CNTN4: variants seen among roughly 807,000 people sequenced by gnomAD.
CNTN4 encodes the protein contactin-4.
In CNTN4, 77 loss-of-function variants were observed where a neutral mutation model predicts 122.5. The observed-to-expected ratio is 0.63, with a 90% CI of 0.52 to 0.76. The LOEUF (loss-of-function observed/expected upper bound fraction) is 0.76, where lower values mean the gene tolerates loss of function less well. Ranked by LOEUF, CNTN4 falls within the 30% of genes least tolerant of loss-of-function variation. The pLI is 0.00. For missense variants in CNTN4, 1,256 were observed against 1,259.1 expected (o/e 1.00, Z 0.04); for synonymous variants, 512 against 447.0 (o/e 1.15, Z -1.83).
chr3:2,268,162 T>G (rs935521537), intron 2 of CNTN4, among the ~76,000 whole-genome samples: 2 of 152,136 alleles, frequency 1.3e-5, no homozygotes, highest in African/African-American at 4.8e-5. Flanking sequence ...TTTGCATAGC[T>G]GTTCGATGAT....
At chr3:2,328,278 C>T (rs77001643) in intron 2 of CNTN4, among the ~76,000 whole-genome samples, 39,078 of 145,734 alleles carry the variant, frequency 0.27, 5,624 homozygotes, top group Middle Eastern at 0.37. Context: ...TGGTGGCGGG[C>T]GCCTGTAGTC....
chr3:2,660,041 G>A (rs182253369), intron 4 of CNTN4, among the ~76,000 whole-genome samples: 13 of 152,088 alleles, frequency 8.5e-5, no homozygotes, highest in African/African-American at 3.1e-4. Context: ...ACTGGGCTTT[G>A]GCAAATCTCT....
intron 2 of CNTN4, among the ~76,000 whole-genome samples, chr3:2,284,697 A>G (rs1256651018): frequency 6.6e-6 from 1 of 152,028 alleles, no homozygotes; most frequent in East Asian, 1.9e-4. Context: ...ATGGGCTAGC[A>G]TCATCTTTGA....
intron 4 of CNTN4, among the ~76,000 whole-genome samples, chr3:2,647,861 C>G (rs2083198382): frequency 6.6e-6 from 1 of 152,164 alleles, no homozygotes; most frequent in South Asian, 2.1e-4. Flanking sequence ...TTTACAGTTA[C>G]TAATATTAAA....
At chr3:2,808,966 T>G (rs2092539385) in intron 6 of CNTN4, among the ~76,000 whole-genome samples, 1 of 152,234 alleles carries the variant, frequency 6.6e-6, no homozygotes, top group South Asian at 2.1e-4. Context: ...CCACAGCCTG[T>G]GAAACAGGAA....
At chr3:2,978,953 C>T (rs1388408167) in intron 13 of CNTN4, among the ~76,000 whole-genome samples, 2 of 117,974 alleles carry the variant, frequency 1.7e-5, no homozygotes, top group Admixed American at 1.6e-4. Flanking sequence ...CGATTTATTC[C>T]AAAGCTAGCT....
chr3:2,240,717 A>C (rs1160728398), intron 2 of CNTN4, among the ~76,000 whole-genome samples: 1 of 152,156 alleles, frequency 6.6e-6, no homozygotes, highest in African/African-American at 2.4e-5. Flanking sequence ...CAAGCAACGA[A>C]GCTTATTAAG....
At chr3:2,391,134 G>A (rs992351553) in intron 3 of CNTN4, among the ~76,000 whole-genome samples, 2 of 152,150 alleles carry the variant, frequency 1.3e-5, no homozygotes, top group African/African-American at 2.4e-5. Context: ...TTGCTAACAT[G>A]ATAAAATGGC....
intron 14 of CNTN4, among the ~76,000 whole-genome samples, chr3:2,998,714 TCCTAG>T (rs1695762894): frequency 6.6e-6 from 1 of 152,058 alleles, no homozygotes; most frequent in East Asian, 1.9e-4. Flanking sequence ...ACATGAAGGC[TCCTAG>T]CATATTCAGG....
rs1199258375 is a variant in CNTN4 at position 3,048,385 on chromosome 3, A to G, written c.2811+4681A>G. On this transcript the variant is annotated intron_variant, in intron 23 of 24. Coordinates refer to ENST00000418658, the MANE Select transcript of CNTN4 (RefSeq NM_175607.3). ...ACGGAAAGATATGCTTAGGTTATAC[A>G]CAAATTCTATACCATTGTATATCCA... 2.0e-5 allele frequency among the ~76,000 whole-genome samples: 3 copies of G among 152,220 alleles called. No homozygotes were observed. The East Asian group carries it at 5.8e-4, about 29-fold the overall frequency.
chr3:2,388,422 C>CT (rs1256443533), intron 3 of CNTN4, among the ~76,000 whole-genome samples: 1 of 152,176 alleles, frequency 6.6e-6, no homozygotes, highest in Non-Finnish European at 1.5e-5. Flanking sequence ...ACTGGCCTCC[C>CT]TTCCTCTACT....
chr3:2,299,258 G>A (rs2042417876), intron 2 of CNTN4, among the ~76,000 whole-genome samples: 1 of 152,154 alleles, frequency 6.6e-6, no homozygotes. Flanking sequence ...TATTTGTGAA[G>A]AGTTGCAACA....
chr3:2,240,101 A>G lies in CNTN4; in HGVS notation c.-144-99077A>G, dbSNP rs59955874. On this transcript the variant is annotated intron_variant, in intron 2 of 24. Transcript: ENST00000418658. ...CTACTTAAATGAAAGAGTGTTATCT[A>G]AGAATGCTAATCTTAGTTCCTTTTG... is the stretch of plus-strand genomic sequence containing the variant. 6.3e-3 allele frequency among the ~76,000 whole-genome samples: 962 copies of G among 152,236 alleles called. 11 individuals are homozygous for G. Among genetic ancestry groups the G allele is most frequent in the African/African-American group, 0.022 (934 of 41,534 alleles).
At chr3:2,768,151 C>T (rs1002460347) in intron 6 of CNTN4, among the ~76,000 whole-genome samples, 2 of 152,152 alleles carry the variant, frequency 1.3e-5, no homozygotes, top group Non-Finnish European at 2.9e-5. Flanking sequence ...GGAAATTAAA[C>T]ATCACAAATG....
At position 2,861,958 on chromosome 3, in the gene CNTN4, C is replaced by T. The variant is rs116388117; in HGVS notation, c.455-4794C>T. Among the ~76,000 whole-genome samples the T allele has an allele frequency of 5.4e-3, 823 of 152,320 alleles. 6 individuals carry two copies. The highest frequency in any genetic ancestry group is 0.017 in the African/African-American group (723 of 41,574). On this transcript the variant is annotated intron_variant, in intron 7 of 24. Transcript: ENST00000418658. Reference sequence around the variant, plus strand: ...GCTCCAAAATACATTTTTAAAGGAACATATGGCTTCCTAACAGAATCAGCT... The same window carrying T: ...GCTCCAAAATACATTTTTAAAGGAATATATGGCTTCCTAACAGAATCAGCT...
intron 6 of CNTN4, among the ~76,000 whole-genome samples, chr3:2,758,539 A>G (rs1431642764): frequency 4.0e-5 from 1 of 24,904 alleles, no homozygotes; most frequent in African/African-American, 6.5e-5. Flanking sequence ...TTTTTTTGAG[A>G]CGGAGTCTCC....
chr3:2,861,762 G>C (rs2093673996), intron 7 of CNTN4, among the ~76,000 whole-genome samples: 2 of 152,248 alleles, frequency 1.3e-5, no homozygotes, highest in South Asian at 4.1e-4. Flanking sequence ...AACTACCCTT[G>C]TGATTCCTAG....
At chr3:2,588,372 T>C (rs1462966529) in intron 4 of CNTN4, among the ~76,000 whole-genome samples, 1 of 152,140 alleles carries the variant, frequency 6.6e-6, no homozygotes, top group Non-Finnish European at 1.5e-5. Context: ...GTTTGTTTGT[T>C]TGTTTGTTTT....
intron 3 of CNTN4, among the ~76,000 whole-genome samples, chr3:2,425,785 C>A (rs1270726300): frequency 6.6e-6 from 1 of 152,136 alleles, no homozygotes; most frequent in Non-Finnish European, 1.5e-5. Flanking sequence ...TCCTTCACAA[C>A]CCTTGTGAGT....
Sources: gnomAD v4.1 joint callset for allele counts (sites outside exome capture counted in the v4.1 genomes callset) on GRCh38, gnomAD v4.1.1 for gene constraint, MANE v1.5 for transcripts, NCBI Gene and HGNC (gene_info 2026-07-23, HGNC 2026-07-21) for gene names.